The following LUC7L variants were observed in gnomAD, a reference collection of about 807,000 sequenced individuals.
LUC7L encodes LUC7 like.
Under a neutral mutation model 51.1 loss-of-function variants are expected in LUC7L, and 29 were observed. The ratio of observed to expected loss-of-function variants is 0.57; its 90% CI spans 0.42 to 0.77. The LOEUF (loss-of-function observed/expected upper bound fraction) is 0.77. Among genes scored for constraint, LUC7L ranks in the 30% least tolerant of loss-of-function variants. The pLI is 0.00. For missense variants in LUC7L, 403 were observed against 511.9 expected, an observed-to-expected ratio of 0.79 and a Z score of 2.05; for synonymous variants, 181 against 180.7, an observed-to-expected ratio of 1.00 and a Z score of -0.01.
chr16:193,063 G>T, intron 6 of LUC7L, 48 bp from the exon 7 acceptor site: 1 of 1,403,214 alleles, frequency 7.1e-7, no homozygotes. Context: ...ACACAAACCA[G>T]AGTGTGAATG....
At chr16:196,306 G>C (rs1207275507) in intron 6 of LUC7L, among the ~76,000 whole-genome samples, 1 of 151,994 alleles carries the variant, frequency 6.6e-6, no homozygotes, top group African/African-American at 2.4e-5. Flanking sequence ...TACTTGGAGG[G>C]CTGAGGCAGG....
intron 3 of LUC7L, among the ~76,000 whole-genome samples, chr16:212,064 TG>T (rs1046985791): frequency 6.6e-6 from 1 of 151,964 alleles, no homozygotes; most frequent in Non-Finnish European, 1.5e-5. Flanking sequence ...GAGGCTGAGG[TG>T]GGTGGATCAC....
intron 3 of LUC7L, among the ~76,000 whole-genome samples, chr16:210,805 A>G (rs2049615682): frequency 6.6e-6 from 1 of 151,438 alleles, no homozygotes; most frequent in Admixed American, 6.6e-5. Context: ...TAATCCCAGC[A>G]CTTTGGGAGG....
intron 5 of LUC7L, among the ~76,000 whole-genome samples, chr16:204,288 G>GAA (rs771018903): frequency 5.4e-5 from 6 of 111,792 alleles, no homozygotes; most frequent in Admixed American, 9.5e-5. Context: ...TACTAGAAAT[G>GAA]AAAAAAAAAA....
At chr16:213,047 G>A (rs933872229) in intron 3 of LUC7L, among the ~76,000 whole-genome samples, 2 of 152,116 alleles carry the variant, frequency 1.3e-5, no homozygotes, top group East Asian at 1.9e-4. Flanking sequence ...GATTACAGGC[G>A]TGAGCGCACA....
chr16:227,353 G>C lies in LUC7L; in HGVS notation c.62-17C>G. ...TTTCGTCTCCTGAAATTCATTTGTGGTTTTAAATAAGACAATATTATCACA... is the reference window on the plus strand; with the variant it reads ...TTTCGTCTCCTGAAATTCATTTGTGCTTTTAAATAAGACAATATTATCACA... On this transcript the variant is annotated splice_polypyrimidine_tract_variant and intron_variant, in intron 1 of 9. Coordinates refer to ENST00000293872, the MANE Select transcript of LUC7L (RefSeq NM_201412.3). 1 of 1,592,382 alleles carries C rather than the reference G, an allele frequency of 6.3e-7. No homozygotes were observed. The highest frequency in any genetic ancestry group is 1.7e-5 in the Admixed American group (1 of 58,396).
chr16:224,735 A>C (rs1203303414), intron 2 of LUC7L, among the ~76,000 whole-genome samples: 1 of 152,090 alleles, frequency 6.6e-6, no homozygotes, highest in African/African-American at 2.4e-5. Flanking sequence ...CAGGAGGCTG[A>C]GGCAGGAGAG....
At chr16:190,392 C>A in intron 8 of LUC7L, 149 bp downstream of exon 8, 1 of 873,552 alleles carries the variant, frequency 1.1e-6, no homozygotes. Context: ...GGGAACCCTC[C>A]ACGGCACCAA....
chr16:199,560 T>C (rs533693844), intron 5 of LUC7L, among the ~76,000 whole-genome samples: 1 of 150,810 alleles, frequency 6.6e-6, no homozygotes, highest in South Asian at 2.1e-4. Flanking sequence ...TCACCTGAGG[T>C]CCGGAGTTCA....
chr16:228,241 T>C, intron 1 of LUC7L: 3 of 1,295,848 alleles, frequency 2.3e-6, no homozygotes, highest in Non-Finnish European at 1.0e-6. Flanking sequence ...TTATTGAAAA[T>C]GTTTTCTTTC....
intron 1 of LUC7L, chr16:228,338 G>T: frequency 1.5e-6 from 2 of 1,304,072 alleles, no homozygotes; most frequent in Middle Eastern, 4.3e-4. Context: ...CTCACGGCTC[G>T]ATGAACATGA....
At chr16:215,953 C>T (rs2049783672) in intron 3 of LUC7L, among the ~76,000 whole-genome samples, 1 of 151,672 alleles carries the variant, frequency 6.6e-6, no homozygotes, top group South Asian at 2.1e-4. Flanking sequence ...TTTTGGCCTC[C>T]AAAAGTGACA....
chr16:192,705 G>A (rs1441249385), intron 7 of LUC7L, among the ~76,000 whole-genome samples: 3 of 152,120 alleles, frequency 2.0e-5, no homozygotes, highest in Admixed American at 2.0e-4. Flanking sequence ...GTTTCACCAT[G>A]TTGGCCAGGC....
intron 7 of LUC7L, among the ~76,000 whole-genome samples, chr16:192,384 AC>A (rs2049032191): frequency 6.6e-6 from 1 of 152,074 alleles, no homozygotes; most frequent in Admixed American, 6.6e-5. Flanking sequence ...CAGTAAGTAA[AC>A]AGCAGTGCCC....
intron 2 of LUC7L, among the ~76,000 whole-genome samples, chr16:226,569 C>A (rs930920992): frequency 6.6e-6 from 1 of 152,174 alleles, no homozygotes; most frequent in Admixed American, 6.6e-5. Flanking sequence ...CACAAAACTA[C>A]AAAATCAATG....
chr16:212,612 CAT>C (rs746594995), intron 3 of LUC7L, among the ~76,000 whole-genome samples: 7 of 152,038 alleles, frequency 4.6e-5, no homozygotes, highest in South Asian at 4.2e-4. Flanking sequence ...GAACTGGTCT[CAT>C]GTGGTATATT....
chr16:219,491 G>A (rs2049904958), intron 3 of LUC7L, among the ~76,000 whole-genome samples: 3 of 152,118 alleles, frequency 2.0e-5, no homozygotes, highest in Non-Finnish European at 2.9e-5. Flanking sequence ...TGTGGAAGAA[G>A]GATCACCTGA....
chr16:219,517 TAC>T (rs1347693587), intron 3 of LUC7L, among the ~76,000 whole-genome samples: 1 of 152,144 alleles, frequency 6.6e-6, no homozygotes, highest in Non-Finnish European at 1.5e-5. Flanking sequence ...GCAATTCACT[TAC>T]AGTCAGCTAT....
chr16:199,207 C>G lies in LUC7L; in HGVS notation c.542G>C (p.Ser181Thr). 6.2e-7 allele frequency: 1 copy of G among 1,605,264 alleles called. No individual in the cohort carries two copies. Among genetic ancestry groups the G allele is most frequent in the Non-Finnish European group, 8.5e-7 (1 of 1,172,822 alleles). ...GACACGCAGCTTTTGCTGCTGAAAACTGGATGCAGGCATGGAATTTCTGTA... is the reference window on the plus strand; with the variant it reads ...GACACGCAGCTTTTGCTGCTGAAAAGTGGATGCAGGCATGGAATTTCTGTA... ...EEYRNSMPASSFQQQKLRVCE... is the reference protein window; with the variant it reads ...EEYRNSMPASTFQQQKLRVCE... Residue 181 changes from serine (S) to threonine (T), a missense_variant, in exon 6 of 10, where the codon AGT becomes ACT. This residue lies in a region of LUC7L where 182 missense variants were observed against 248.4 expected (regional missense o/e 0.73). Coordinates refer to ENST00000293872, the MANE Select transcript of LUC7L (RefSeq NM_201412.3).
Sources: gnomAD v4.1 joint callset for allele counts (sites outside exome capture counted in the v4.1 genomes callset) on GRCh38, gnomAD v4.1.1 for gene constraint, gnomAD v4.1.1 regional missense constraint, MANE v1.5 for transcripts, NCBI Gene and HGNC (gene_info 2026-07-23, HGNC 2026-07-21) for gene names.